Variants in PCDHGB5 observed in about 807,000 individuals in gnomAD.
The protein encoded by PCDHGB5 is protocadherin gamma-B5.
Under a neutral mutation model 62.9 loss-of-function variants are expected in PCDHGB5, and 48 were observed. That is an observed-to-expected ratio of 0.76 (90% CI 0.61 to 0.97). The LOEUF is 0.97. Among genes scored for constraint, PCDHGB5 ranks in the 50% least tolerant of loss-of-function variants. The pLI is 0.00. For missense variants in PCDHGB5, 1,118 were observed against 1,198.6 expected (o/e 0.93, Z 0.99); for synonymous variants, 474 against 511.2 (o/e 0.93, Z 0.98).
chr5:141,512,275 A>G lies in PCDHGB5; in HGVS notation c.*1102A>G, dbSNP rs368275103. 1 of 152,730 alleles carries G rather than the reference A, an allele frequency of 6.5e-6. No individual in the cohort carries two copies. The highest frequency in any genetic ancestry group is 2.1e-4 in the South Asian group (1 of 4,824). The allele number at this position is 152,730 out of a possible 1,614,324, so 9.5% of individuals were successfully genotyped here. ...GGGTGCTGGGTACTCCAGAGGTGCC[A>G]CTGGTGGAAGGGTCAGCGGAGCCCC... On this transcript the variant is annotated 3_prime_UTR_variant, in exon 4 of 4. Transcript: ENST00000617380.
At position 141,397,991 on chromosome 5, in the gene PCDHGB5, C is replaced by T. The variant is rs960718940; in HGVS notation, c.-137C>T. 1.5e-6 allele frequency: 2 copies of T among 1,340,100 alleles called. No homozygotes were observed. Among genetic ancestry groups the T allele is most frequent in the African/African-American group, 3.0e-5 (2 of 67,758 alleles). 83.0% of individuals were successfully genotyped at this position (1,340,100 alleles called of 1,614,324 possible). On this transcript the variant is annotated 5_prime_UTR_variant, in exon 1 of 4. Coordinates refer to ENST00000617380, the MANE Select transcript of PCDHGB5 (RefSeq NM_018925.3). The stretch of plus-strand genomic sequence containing the variant: ...CCCAGCGCCGGCCTTTACACCGCTT[C>T]CTCCTCGGAAAAAGAATCGTTTCCT...
intron 1 of PCDHGB5, among the ~76,000 whole-genome samples, chr5:141,468,946 C>G: frequency 7.0e-6 from 1 of 141,900 alleles, no homozygotes; most frequent in Non-Finnish European, 1.5e-5. Context: ...ATGGGGTAAA[C>G]CTGTGGTTTT....
rs199698737 is a variant in PCDHGB5, at chr5:141,438,639, C to T, written c.2397+38115C>T. On this transcript the variant is annotated intron_variant, in intron 1 of 3. Transcript: ENST00000617380. ...ATATATATATATATATATATATACA[C>T]ACACACACACACATATATGTATATA... 7.1e-3 allele frequency among the ~76,000 whole-genome samples: 359 copies of T among 50,816 alleles called. 1 individual carries two copies. Among genetic ancestry groups the T allele is most frequent in the South Asian group, 0.017 (27 of 1,588 alleles). The allele number at this position is 50,816 out of a possible 152,430, so 33.3% of individuals were successfully genotyped here.
At chr5:141,413,181 C>T in intron 1 of PCDHGB5, 8 of 1,602,880 alleles carry the variant, frequency 5.0e-6, no homozygotes, top group Non-Finnish European at 6.8e-6. Context: ...CTACAATGGC[C>T]GCTCAAAGGA....
chr5:141,495,943 CTGT>C (rs1324780860), intron 2 of PCDHGB5, among the ~76,000 whole-genome samples: 1 of 152,010 alleles, frequency 6.6e-6, no homozygotes, highest in Non-Finnish European at 1.5e-5. Flanking sequence ...GTCTCTGTGC[CTGT>C]TGTCTTTTTC....
intron 1 of PCDHGB5, among the ~76,000 whole-genome samples, chr5:141,473,948 A>ACC (rs2099333859): frequency 1.3e-5 from 2 of 152,182 alleles, no homozygotes; most frequent in Non-Finnish European, 2.9e-5. Context: ...TCAGGCCTGT[A>ACC]GTCCCATCTA....
chr5:141,485,674 T>C lies in PCDHGB5; in HGVS notation c.2398-9133T>C. 1 of 1,612,986 alleles carries C rather than the reference T, an allele frequency of 6.2e-7. No homozygotes were observed. Among genetic ancestry groups the C allele is most frequent in the South Asian group, 1.1e-5 (1 of 91,072 alleles). Reference sequence around the variant, plus strand: ...ATGCAGATGTGGGGAGCAATTCGATTAGCAGCTATAGGCTGAGCTCCAATG... The same window carrying C: ...ATGCAGATGTGGGGAGCAATTCGATCAGCAGCTATAGGCTGAGCTCCAATG... On this transcript the variant is annotated intron_variant, in intron 1 of 3. Transcript: ENST00000617380. This position sits in a 1 kb window ranked among gnomAD's most constrained non-coding sequence, Gnocchi z 5.7.
At chr5:141,463,831 C>T (rs2099070299) in intron 1 of PCDHGB5, among the ~76,000 whole-genome samples, 1 of 152,174 alleles carries the variant, frequency 6.6e-6, no homozygotes, top group African/African-American at 2.4e-5. Flanking sequence ...TGATCCACTT[C>T]CCAGTTGTTA....
intron 2 of PCDHGB5, among the ~76,000 whole-genome samples, chr5:141,501,184 C>T (rs1209222790): frequency 6.6e-6 from 1 of 152,002 alleles, no homozygotes; most frequent in Non-Finnish European, 1.5e-5. Context: ...CATTTTAACA[C>T]AATTAAATTC....
At chr5:141,416,215 A>G (rs969061407) in intron 1 of PCDHGB5, 1 of 152,400 alleles carries the variant, frequency 6.6e-6, no homozygotes, top group Non-Finnish European at 1.5e-5. Flanking sequence ...ATAACAATGT[A>G]TGCTTAGATT....
chr5:141,491,837 G>A lies in PCDHGB5; in HGVS notation c.2398-2970G>A, dbSNP rs1404051857. The A allele has an allele frequency of 1.4e-6, 2 of 1,472,862 alleles. No individual in the cohort carries two copies. The highest frequency in any genetic ancestry group is 1.8e-6 in the Non-Finnish European group (2 of 1,111,878). The allele number at this position is 1,472,862 out of a possible 1,614,324, so 91.2% of individuals were successfully genotyped here. A position where few individuals can be genotyped will look rare whatever the true frequency, so the allele number is the denominator to read the frequency against. ...TGGCTGCGCTCCACCCGATTCTCGG[G>A]ATCATTGGACCGTTTGCGCGAAACC... On this transcript the variant is annotated intron_variant, in intron 1 of 3. Transcript: ENST00000617380. The surrounding 1 kb of genome is among the most constrained non-coding windows in gnomAD (Gnocchi z 6.9).
At chr5:141,418,349 A>G in intron 1 of PCDHGB5, 1 of 1,614,016 alleles carries the variant, frequency 6.2e-7, no homozygotes, top group South Asian at 1.1e-5. Context: ...TGATATTAGT[A>G]TGAATTCGCT....
chr5:141,408,624 A>G, intron 1 of PCDHGB5: 1 of 1,614,016 alleles, frequency 6.2e-7, no homozygotes, highest in Non-Finnish European at 8.5e-7. Flanking sequence ...ATACATTTAG[A>G]AATTTTCGAA....
In PCDHGB5 at chr5:141,477,955, C is replaced by T. The variant is rs748233998; in HGVS notation, c.2398-16852C>T. The T allele has an allele frequency of 3.7e-6, 6 of 1,614,004 alleles. No homozygotes were observed. Among genetic ancestry groups the T allele is most frequent in the Admixed American group, 3.3e-5 (2 of 59,988 alleles). On this transcript the variant is annotated intron_variant, in intron 1 of 3. Transcript: ENST00000617380. This position sits in a 1 kb window ranked among gnomAD's most constrained non-coding sequence, Gnocchi z 4.9. ...GGCTCTCCTACAGTCTCTTGGGATCCCCTAACCAGAGCCTTTTTGCCATAG... is the reference window on the plus strand; with the variant it reads ...GGCTCTCCTACAGTCTCTTGGGATCTCCTAACCAGAGCCTTTTTGCCATAG...
rs1389286417 is a variant in PCDHGB5 at position 141,432,046 on chromosome 5, C to T, written c.2397+31522C>T. ...CAGTGACCGCCACTGACCGGGGAAC[C>T]CCGCCCCTATCCACGGAAACTCATA... On this transcript the variant is annotated intron_variant, in intron 1 of 3. Transcript: ENST00000617380. This position sits in a 1 kb window ranked among gnomAD's most constrained non-coding sequence, Gnocchi z 6.0. 3.1e-6 allele frequency: 5 copies of T among 1,614,224 alleles called. No homozygotes were observed. The highest frequency in any genetic ancestry group is 2.2e-5 in the East Asian group (1 of 44,886).
Position 141,431,877 on chromosome 5 carries a change from AC to A in PCDHGB5, c.2397+31355del. 1 of 1,614,230 alleles carries A rather than the reference AC, an allele frequency of 6.2e-7. No individual in the cohort carries two copies. The highest frequency in any genetic ancestry group is 1.3e-5 in the African/African-American group (1 of 75,070). ...TTAATTGCCCTTTTAAATGTAAATGACCAAGATTCTGAGGAAAACGGACAGG... is the reference window on the plus strand; with the variant it reads ...TTAATTGCCCTTTTAAATGTAAATGACAAGATTCTGAGGAAAACGGACAGG... On this transcript the variant is annotated intron_variant, in intron 1 of 3. Coordinates refer to ENST00000617380, the MANE Select transcript of PCDHGB5 (RefSeq NM_018925.3). The surrounding 1 kb of genome is among the most constrained non-coding windows in gnomAD (Gnocchi z 4.8).
intron 2 of PCDHGB5, among the ~76,000 whole-genome samples, chr5:141,497,603 G>A (rs1045138662): frequency 3.3e-5 from 5 of 149,832 alleles, no homozygotes; most frequent in Non-Finnish European, 7.4e-5. Context: ...GCAGTGGTGC[G>A]ATCTTGGCTC....
chr5:141,455,314 T>G (rs565911988), intron 1 of PCDHGB5, among the ~76,000 whole-genome samples: 15 of 152,208 alleles, frequency 9.9e-5, no homozygotes, highest in African/African-American at 3.4e-4. Flanking sequence ...ATTAGCAATT[T>G]TGTGTGTGTG....
intron 1 of PCDHGB5, among the ~76,000 whole-genome samples, chr5:141,484,092 G>A (rs1594371151): frequency 6.6e-6 from 1 of 152,102 alleles, no homozygotes; most frequent in African/African-American, 2.4e-5. Flanking sequence ...AATGGTCTTC[G>A]TTGGTAATTA....
Sources: allele counts gnomAD v4.1 joint callset (sites outside exome capture counted in the v4.1 genomes callset), GRCh38; gene constraint gnomAD v4.1.1; non-coding constraint Gnocchi (gnomAD v3.1); transcripts MANE v1.5; gene names NCBI Gene and HGNC (gene_info 2026-07-23, HGNC 2026-07-21).